The following TSHZ2 variants were observed in gnomAD, a reference collection of about 807,000 sequenced individuals.
TSHZ2 encodes teashirt homolog 2.
TSHZ2 carries 21 observed loss-of-function variants against 74.4 expected under a neutral mutation model. The ratio of observed to expected loss-of-function variants is 0.28; its 90% CI spans 0.20 to 0.41. TSHZ2 has a LOEUF of 0.41. Among genes scored for constraint, TSHZ2 ranks in the 10% least tolerant of loss-of-function variants. The pLI is 1.00. For synonymous variants in TSHZ2, 540 were observed against 515.3 expected (o/e 1.05, Z -0.65); for missense variants, 1,244 against 1,293.5 (o/e 0.96, Z 0.59).
intron 1 of TSHZ2, among the ~76,000 whole-genome samples, chr20:53,084,678 C>A (rs886947486): frequency 1.7e-5 from 1 of 58,460 alleles, no homozygotes; most frequent in South Asian, 1.2e-3. Flanking sequence ...TCTCTCCCTC[C>A]CTCCCTCCCT....
At position 53,112,783 on chromosome 20, in the gene TSHZ2, A is replaced by G. The variant is rs149571052; in HGVS notation, c.40+139450A>G. 5.5e-3 allele frequency among the ~76,000 whole-genome samples: 835 copies of G among 152,286 alleles called. 8 individuals carry two copies. The highest frequency in any genetic ancestry group is 0.019 in the African/African-American group (808 of 41,556). ...AGTCATCTGCCCATTTCAGCCTCCC[A>G]AAGTGCTGAGATTAAAGGCGTGTGC... is the stretch of plus-strand genomic sequence containing the variant. On this transcript the variant is annotated intron_variant, in intron 1 of 2. Coordinates refer to ENST00000371497, the MANE Select transcript of TSHZ2 (RefSeq NM_173485.6).
chr20:53,196,366 T>TAAAAAAAAAAAAAAAAAAA (rs34385917), intron 1 of TSHZ2: 5 of 109,678 alleles, frequency 4.6e-5, no homozygotes, highest in African/African-American at 1.6e-4. Flanking sequence ...AATCTGCTGC[T>TAAAAAAAAAAAAAAAAAAA]AAAAAAAAAA....
chr20:53,003,327 C>T (rs1795787056), intron 1 of TSHZ2, among the ~76,000 whole-genome samples: 1 of 150,410 alleles, frequency 6.6e-6, no homozygotes, highest in South Asian at 2.1e-4. Context: ...AGTCAGTGCA[C>T]CTTCCTCGCA....
intron 1 of TSHZ2, among the ~76,000 whole-genome samples, chr20:53,231,912 T>A (rs1989832595): frequency 6.6e-6 from 1 of 152,008 alleles, no homozygotes; most frequent in Non-Finnish European, 1.5e-5. Context: ...TAGAGGAGGG[T>A]CTTGCTCTGT....
rs1401159478 is a variant in TSHZ2, at chr20:53,256,647, C to T, written c.*8+76C>T. ...ACAGGGAGATGGGTCTGCTTAGAGG[C>T]AGCTAGCATCTCCCAATGCCAAGCA... On this transcript the variant is annotated intron_variant, in intron 2 of 2. Transcript: ENST00000371497. This position sits in a 1 kb window ranked among gnomAD's most constrained non-coding sequence, Gnocchi z 4.3. 4.7e-6 allele frequency: 7 copies of T among 1,485,044 alleles called. No homozygotes were observed. The highest frequency in any genetic ancestry group is 6.3e-6 in the Non-Finnish European group (7 of 1,116,788). 92.0% of individuals were successfully genotyped at this position (1,485,044 alleles called of 1,614,324 possible). A position where few individuals can be genotyped will look rare whatever the true frequency, so the allele number is the denominator to read the frequency against.
At chr20:53,103,324 A>G (rs1220177146) in intron 1 of TSHZ2, among the ~76,000 whole-genome samples, 2 of 152,336 alleles carry the variant, frequency 1.3e-5, no homozygotes, top group East Asian at 1.9e-4. Flanking sequence ...TGCTCAGCAG[A>G]CAGCAAAGTC....
intron 1 of TSHZ2, among the ~76,000 whole-genome samples, chr20:53,075,584 T>G (rs1370053803): frequency 2.6e-5 from 4 of 152,024 alleles, no homozygotes; most frequent in Non-Finnish European, 1.5e-5. Context: ...AAGCCCTAGA[T>G]GAAAATGAGT....
At chr20:53,167,201 C>A (rs1988083864) in intron 1 of TSHZ2, among the ~76,000 whole-genome samples, 1 of 152,218 alleles carries the variant, frequency 6.6e-6, no homozygotes, top group Admixed American at 6.5e-5. Flanking sequence ...TAGAGGCCAG[C>A]AGAGGCCAAG....
At chr20:53,146,849 A>G (rs1464204508) in intron 1 of TSHZ2, among the ~76,000 whole-genome samples, 1 of 152,216 alleles carries the variant, frequency 6.6e-6, no homozygotes, top group South Asian at 2.1e-4. Flanking sequence ...GCGGGCGTGA[A>G]GGATAGGTAC....
intron 2 of TSHZ2, among the ~76,000 whole-genome samples, chr20:53,280,469 T>C (rs1425193692): frequency 6.6e-6 from 1 of 152,148 alleles, no homozygotes; most frequent in Non-Finnish European, 1.5e-5. Context: ...GAGTATGAAA[T>C]ATGTTTCCAT....
chr20:53,024,931 A>G (rs1342438917), intron 1 of TSHZ2, among the ~76,000 whole-genome samples: 1 of 152,112 alleles, frequency 6.6e-6, no homozygotes, highest in African/African-American at 2.4e-5. Flanking sequence ...AGTCTTTGCT[A>G]TTGTGAATAC....
chr20:53,424,684 G>A (rs6068543), intron 2 of TSHZ2, among the ~76,000 whole-genome samples: 80,231 of 151,794 alleles, frequency 0.53, 22,049 homozygotes, highest in Non-Finnish European at 0.62. Flanking sequence ...TATTAAGCCC[G>A]GCGTGCATTA....
At chr20:53,205,059 C>T (rs1335317712) in intron 1 of TSHZ2, among the ~76,000 whole-genome samples, 1 of 151,206 alleles carries the variant, frequency 6.6e-6, no homozygotes, top group Non-Finnish European at 1.5e-5. Context: ...CCACTGCACT[C>T]CAGTCTGGGC....
intron 1 of TSHZ2, among the ~76,000 whole-genome samples, chr20:53,213,893 C>A (rs1465355751): frequency 6.6e-6 from 1 of 152,054 alleles, no homozygotes; most frequent in Non-Finnish European, 1.5e-5. Flanking sequence ...TCTCTTGGCT[C>A]CCTTGTCTGG....
chr20:53,320,794 G>A (rs527239680), intron 2 of TSHZ2, among the ~76,000 whole-genome samples: 11 of 152,334 alleles, frequency 7.2e-5, no homozygotes, highest in African/African-American at 2.4e-4. Context: ...AGAGACTGAA[G>A]TAGAAGGGGT....
At chr20:53,187,384 A>G (rs904871184) in intron 1 of TSHZ2, among the ~76,000 whole-genome samples, 1 of 152,216 alleles carries the variant, frequency 6.6e-6, no homozygotes, top group Non-Finnish European at 1.5e-5. Context: ...TTAAAGCTGT[A>G]ATGGGAGAGG....
At chr20:53,034,358 G>A (rs1413776231) in intron 1 of TSHZ2, among the ~76,000 whole-genome samples, 2 of 152,154 alleles carry the variant, frequency 1.3e-5, no homozygotes, top group African/African-American at 4.8e-5. Flanking sequence ...TTATAGTGCT[G>A]CAAAATAAGG....
intron 1 of TSHZ2, among the ~76,000 whole-genome samples, chr20:53,241,036 A>C (rs1210320152): frequency 1.3e-5 from 2 of 152,152 alleles, no homozygotes; most frequent in Non-Finnish European, 2.9e-5. Context: ...ATTTGGTACT[A>C]TTAGGAGGAT....
chr20:53,172,686 T>C (rs1362026678), intron 1 of TSHZ2, among the ~76,000 whole-genome samples: 3 of 152,200 alleles, frequency 2.0e-5, no homozygotes, highest in Non-Finnish European at 4.4e-5. Context: ...ATTATTTCTG[T>C]TTAACAGAGA....
Sources: gnomAD v4.1 joint callset for allele counts (sites outside exome capture counted in the v4.1 genomes callset) on GRCh38, gnomAD v4.1.1 for gene constraint, Gnocchi (gnomAD v3.1) non-coding constraint, MANE v1.5 for transcripts, NCBI Gene and HGNC (gene_info 2026-07-23, HGNC 2026-07-21) for gene names.